The following KPNA6 variants were observed in gnomAD, a reference collection of about 807,000 sequenced individuals.
The protein encoded by KPNA6 is karyopherin subunit alpha 6, also known as importin subunit alpha-7.
Under a neutral mutation model 72.0 loss-of-function variants are expected in KPNA6, and 9 were observed. The observed-to-expected ratio is 0.13, with a 90% CI of 0.08 to 0.22. The LOEUF (loss-of-function observed/expected upper bound fraction) is 0.22. KPNA6 is among the 10% of genes least tolerant of loss of function. KPNA6 has a pLI of 1.00. For synonymous variants in KPNA6, 219 were observed against 242.1 expected (o/e 0.90, Z 0.89); for missense variants, 374 against 655.7 (o/e 0.57, Z 4.69).
intron 1 of KPNA6, among the ~76,000 whole-genome samples, chr1:32,151,910 T>C (rs1487693772): frequency 6.6e-6 from 1 of 152,252 alleles, no homozygotes; most frequent in African/African-American, 2.4e-5. Flanking sequence ...GATACAACAG[T>C]TCTAAATTTG....
At chr1:32,163,828 C>A (rs1379514916) in intron 10 of KPNA6, among the ~76,000 whole-genome samples, 2 of 152,172 alleles carry the variant, frequency 1.3e-5, no homozygotes, top group African/African-American at 4.8e-5. Context: ...GGATTCTGGA[C>A]AGGTTTCTTA....
At chr1:32,149,288 T>C (rs1199151259) in intron 1 of KPNA6, among the ~76,000 whole-genome samples, 3 of 152,186 alleles carry the variant, frequency 2.0e-5, no homozygotes, top group Non-Finnish European at 4.4e-5. Flanking sequence ...TAGTTCATTG[T>C]CCAGGTTTTT....
rs201149410 is a variant in KPNA6, at chr1:32,138,033, G to GC, written c.5-16554dup. On this transcript the variant is annotated intron_variant, in intron 1 of 13. Coordinates refer to ENST00000373625, the MANE Select transcript of KPNA6 (RefSeq NM_012316.5). The stretch of plus-strand genomic sequence containing the variant: ...AACTGTAATCCCAGCTACTTGGGAG[G>GC]CTGAGGTAAGAGAATCGCATCAACC... 6.9e-3 allele frequency among the ~76,000 whole-genome samples: 1,042 copies of GC among 151,782 alleles called. 11 individuals carry two copies. The highest frequency in any genetic ancestry group is 0.023 in the African/African-American group (947 of 41,366).
At chr1:32,113,337 G>A (rs1234562514) in intron 1 of KPNA6, among the ~76,000 whole-genome samples, 1 of 152,172 alleles carries the variant, frequency 6.6e-6, no homozygotes, top group South Asian at 2.1e-4. Flanking sequence ...AGGTTGCAGT[G>A]AGATGATTGT....
At chr1:32,137,363 C>T (rs1641752894) in intron 1 of KPNA6, among the ~76,000 whole-genome samples, 1 of 151,832 alleles carries the variant, frequency 6.6e-6, no homozygotes, top group South Asian at 2.1e-4. Context: ...TTTTCAGAGA[C>T]GGTTTTGCTA....
chr1:32,167,136 C>T (rs1355685274), intron 11 of KPNA6, 33 bp from the exon 12 acceptor site: 1 of 1,607,190 alleles, frequency 6.2e-7, no homozygotes, highest in Non-Finnish European at 8.5e-7. Context: ...ATGACTTTCT[C>T]CTTCCATCTG....
rs184468086 is a variant in KPNA6 at position 32,114,487 on chromosome 1, C to G, written c.4+6353C>G. Among the ~76,000 whole-genome samples, 6 of 150,640 alleles carry G rather than the reference C, an allele frequency of 4.0e-5. No homozygotes were observed. The East Asian group carries it at 1.2e-3, about 29-fold the overall frequency. On this transcript the variant is annotated intron_variant, in intron 1 of 13. Coordinates refer to ENST00000373625, the MANE Select transcript of KPNA6 (RefSeq NM_012316.5). ...ATATATATATATTCAGTAAATCAAG[C>G]TGTAAACAGATGTGCTGTCATCCAG...
intron 1 of KPNA6, among the ~76,000 whole-genome samples, chr1:32,108,773 T>C (rs1164235549): frequency 6.6e-6 from 1 of 152,242 alleles, no homozygotes; most frequent in Non-Finnish European, 1.5e-5. Context: ...CCAAGTCCTC[T>C]TGGCCATCTT....
intron 1 of KPNA6, among the ~76,000 whole-genome samples, chr1:32,114,934 G>A (rs568085609): frequency 2.7e-4 from 41 of 152,086 alleles, no homozygotes; most frequent in Non-Finnish European, 5.0e-4. Flanking sequence ...TCTGTCTCCC[G>A]GGTTCAAGTA....
At chr1:32,127,754 A>G (rs1190482635) in intron 1 of KPNA6, among the ~76,000 whole-genome samples, 2 of 152,186 alleles carry the variant, frequency 1.3e-5, no homozygotes, top group Non-Finnish European at 2.9e-5. Context: ...CCCTTCAGAA[A>G]TATTAACCAT....
chr1:32,176,501 A>G lies in KPNA6; in HGVS notation c.*5607A>G, dbSNP rs543755266. The G allele has an allele frequency of 1.3e-5, 2 of 152,490 alleles. No homozygotes were observed. Among genetic ancestry groups the G allele is most frequent in the African/African-American group, 2.4e-5 (1 of 41,566 alleles). 9.4% of individuals were successfully genotyped at this position (152,490 alleles called of 1,614,324 possible). On this transcript the variant is annotated 3_prime_UTR_variant, in exon 14 of 14. Transcript: ENST00000373625. ...ACATCCAAATTTGAAGAGAAAATGT[A>G]TTTCTTTAGGTTTCAAACACTGTAA...
chr1:32,140,621 CAG>C (rs1308971102), intron 1 of KPNA6, among the ~76,000 whole-genome samples: 6 of 151,996 alleles, frequency 3.9e-5, no homozygotes, highest in African/African-American at 7.2e-5. Flanking sequence ...ATAATGGAAA[CAG>C]AAAAAATAGT....
intron 1 of KPNA6, among the ~76,000 whole-genome samples, chr1:32,145,474 G>A (rs1040092912): frequency 2.0e-5 from 3 of 151,522 alleles, no homozygotes; most frequent in African/African-American, 7.3e-5. Context: ...ACAGGCACCC[G>A]CCACCATGCC....
rs1642439223 is a variant in KPNA6, at chr1:32,171,645, C to T, written c.*751C>T. 6.6e-6 allele frequency: 1 copy of T among 152,206 alleles called. No homozygotes were observed. The highest frequency in any genetic ancestry group is 1.5e-5 in the Non-Finnish European group (1 of 68,092). 9.4% of individuals were successfully genotyped at this position (152,206 alleles called of 1,614,324 possible). On this transcript the variant is annotated 3_prime_UTR_variant, in exon 14 of 14. Transcript: ENST00000373625. ...TTTAGTTTGGGGGATCCTCCTCACT[C>T]TCCTGAAGTGTCTCAAGTATACCAG...
At chr1:32,163,083 G>A (rs886378423) in intron 9 of KPNA6, 152 bp from the exon 10 acceptor site, 6 of 598,548 alleles carry the variant, frequency 1.0e-5, no homozygotes, top group Non-Finnish European at 1.2e-5. Flanking sequence ...TAGCCTGGGC[G>A]ACAGAGCGAG....
chr1:32,128,572 G>A (rs1390404724), intron 1 of KPNA6, among the ~76,000 whole-genome samples: 1 of 151,072 alleles, frequency 6.6e-6, no homozygotes, highest in African/African-American at 2.4e-5. Flanking sequence ...TTGTTTCCTA[G>A]AGTGATTACT....
In KPNA6 at chr1:32,156,888, A is replaced by G; in HGVS notation, c.174A>G (p.Glu58=). 1 of 1,614,146 alleles carries G rather than the reference A, an allele frequency of 6.2e-7. No homozygotes were observed. Among genetic ancestry groups the G allele is most frequent in the Non-Finnish European group, 8.5e-7 (1 of 1,180,002 alleles). The change falls in exon 3 of 14, where the codon GAA becomes GAG. Residue 58 remains glutamate, a synonymous_variant. Coordinates refer to ENST00000373625, the MANE Select transcript of KPNA6 (RefSeq NM_012316.5). Reference sequence around the variant, plus strand: ...GGAGAAATGTGGAGCTGATTAATGAAGAAGCTGCCATGTTCGATAGTCTTC... The same window carrying G: ...GGAGAAATGTGGAGCTGATTAATGAGGAAGCTGCCATGTTCGATAGTCTTC... ...FKRRNVELIN[E]EAAMFDSLLM...
chr1:32,141,374 CCTTTTTTTTTTTTTTTTTTTTTTTT>C, intron 1 of KPNA6, among the ~76,000 whole-genome samples: 1 of 50,038 alleles, frequency 2.0e-5, no homozygotes, highest in East Asian at 3.7e-4. Flanking sequence ...TTAAGTTAAT[CCTTTTTTTTTTTTTTTTTTTTTTTT>C]TTTTTTTTTT....
At chr1:32,154,373 A>G (rs1376463009) in intron 1 of KPNA6, among the ~76,000 whole-genome samples, 1 of 151,614 alleles carries the variant, frequency 6.6e-6, no homozygotes, top group Non-Finnish European at 1.5e-5. Context: ...AGCTTATACC[A>G]ATTGCTTTAA....
Sources: gnomAD v4.1 joint callset for allele counts (sites outside exome capture counted in the v4.1 genomes callset) on GRCh38, gnomAD v4.1.1 for gene constraint, MANE v1.5 for transcripts, NCBI Gene and HGNC (gene_info 2026-07-23, HGNC 2026-07-21) for gene names.